CCSER2: variants seen among roughly 807,000 people sequenced by gnomAD.
The protein encoded by CCSER2 is serine-rich coiled-coil domain-containing protein 2.
A neutral mutation model predicts 92.3 loss-of-function variants in CCSER2; 46 were observed. The observed-to-expected ratio is 0.50, with a 90% CI of 0.39 to 0.64. The LOEUF is 0.64. CCSER2 is among the 30% of genes least tolerant of loss of function. The pLI, the probability that CCSER2 is intolerant of heterozygous loss-of-function variation, is 0.00. For synonymous variants in CCSER2, 433 were observed against 431.4 expected, an observed-to-expected ratio of 1.00 and a Z score of -0.04; for missense variants, 1,244 against 1,238.9, an observed-to-expected ratio of 1.00 and a Z score of -0.06.
At chr10:84,468,086 C>A (rs1846559038) in intron 7 of CCSER2, among the ~76,000 whole-genome samples, 2 of 152,150 alleles carry the variant, frequency 1.3e-5, no homozygotes, top group South Asian at 4.1e-4. Context: ...AGTTTACTAG[C>A]CAATTGCTTC....
At chr10:84,391,704 G>A (rs1313223106) in intron 3 of CCSER2, 15 of 1,514,060 alleles carry the variant, frequency 9.9e-6, no homozygotes, top group South Asian at 6.7e-5. Flanking sequence ...ACGATTGGTC[G>A]TCTTGGTTAC....
intron 8 of CCSER2, among the ~76,000 whole-genome samples, chr10:84,472,696 A>G (rs542487588): frequency 6.6e-6 from 1 of 152,358 alleles, no homozygotes; most frequent in African/African-American, 2.4e-5. Context: ...GTCACTTTAT[A>G]TGGACATATG....
intron 3 of CCSER2, among the ~76,000 whole-genome samples, chr10:84,385,871 A>G (rs1373672870): frequency 1.3e-5 from 2 of 152,158 alleles, no homozygotes; most frequent in Non-Finnish European, 2.9e-5. Context: ...AGAATTTACA[A>G]GGAACTCAAC....
At position 84,513,536 on chromosome 10, in the gene CCSER2, C is replaced by T. The variant is rs374878521; in HGVS notation, c.2413C>T (p.Arg805Cys). 8.6e-5 allele frequency: 139 copies of T among 1,613,936 alleles called. No homozygotes were observed. The highest frequency in any genetic ancestry group is 3.1e-4 in the African/African-American group (23 of 74,864). Residue 805 changes from arginine to cysteine, a missense_variant, in exon 10 of 10, where the codon CGC (arginine) becomes TGC (cysteine). Coordinates refer to ENST00000372088, the MANE Select transcript of CCSER2 (RefSeq NM_001284240.2). ...KLIKPQRIEA[R>C]SECSIQDMHQ... ...AATAAAGCCACAACGTATCGAGGCC[C>T]GCAGTGAATGCTCAATCCAAGACAT... is the stretch of plus-strand genomic sequence containing the variant.
chr10:84,387,082 CAAAA>C (rs562126348), intron 3 of CCSER2, among the ~76,000 whole-genome samples: 2 of 151,128 alleles, frequency 1.3e-5, no homozygotes, highest in African/African-American at 4.9e-5. Context: ...AATCTAAAAT[CAAAA>C]AAAAATCTGT....
At chr10:84,508,247 T>C (rs951876017) in intron 9 of CCSER2, among the ~76,000 whole-genome samples, 3 of 152,172 alleles carry the variant, frequency 2.0e-5, no homozygotes, top group African/African-American at 7.2e-5. Context: ...TAACTAGAGA[T>C]CATGCATGCA....
chr10:84,437,190 GAGAC>G (rs1231427808), intron 5 of CCSER2, among the ~76,000 whole-genome samples: 19 of 151,800 alleles, frequency 1.3e-4, no homozygotes, highest in Non-Finnish European at 1.9e-4. Flanking sequence ...GAGACAGAGA[GAGAC>G]AGACAGACAG....
chr10:84,474,403 A>G (rs1465266701), intron 8 of CCSER2, among the ~76,000 whole-genome samples: 2 of 152,020 alleles, frequency 1.3e-5, no homozygotes, highest in Non-Finnish European at 2.9e-5. Flanking sequence ...GCTCATACCT[A>G]TAATCCCAGC....
intron 1 of CCSER2, among the ~76,000 whole-genome samples, chr10:84,360,456 ATTTT>A (rs1564596945): frequency 6.6e-6 from 1 of 152,190 alleles, no homozygotes; most frequent in African/African-American, 2.4e-5. Context: ...AGTAAGGCTT[ATTTT>A]TACTATTTAT....
chr10:84,364,285 G>A (rs1308809962), intron 1 of CCSER2, among the ~76,000 whole-genome samples: 1 of 152,184 alleles, frequency 6.6e-6, no homozygotes, highest in Admixed American at 6.5e-5. Flanking sequence ...ATGTTACAAT[G>A]GCTAGCATGT....
At position 84,518,346 on chromosome 10, in the gene CCSER2, CAA is replaced by C. The variant is rs1434099770; in HGVS notation, c.*4081_*4082del. On this transcript the variant is annotated 3_prime_UTR_variant, in exon 10 of 10. Transcript: ENST00000372088. ...TGTAAGGTCTCTAAGTCATTACTAACAAAGAGCAAAAATAATATCTGCAGTAT... is the reference window on the plus strand; with the variant it reads ...TGTAAGGTCTCTAAGTCATTACTAACAGAGCAAAAATAATATCTGCAGTAT... 6.6e-6 allele frequency: 1 copy of C among 152,594 alleles called. No individual in the cohort carries two copies. Among genetic ancestry groups the C allele is most frequent in the East Asian group, 1.9e-4 (1 of 5,176 alleles). 9.5% of individuals were successfully genotyped at this position (152,594 alleles called of 1,614,324 possible).
intron 1 of CCSER2, 78 bp from the exon 2 acceptor site, chr10:84,370,936 A>G (rs1846028240): frequency 7.8e-6 from 5 of 639,780 alleles, no homozygotes; most frequent in Non-Finnish European, 1.2e-5. Flanking sequence ...ATAAAAGTGT[A>G]AGTATCATAT....
chr10:84,343,204 T>C (rs747335161), intron 1 of CCSER2, among the ~76,000 whole-genome samples: 5 of 152,208 alleles, frequency 3.3e-5, no homozygotes, highest in Admixed American at 3.3e-4. Flanking sequence ...TCCAGCTGTC[T>C]TTACTGTCTC....
At chr10:84,462,363 A>T (rs1366620916) in intron 6 of CCSER2, among the ~76,000 whole-genome samples, 2 of 152,154 alleles carry the variant, frequency 1.3e-5, no homozygotes, top group Non-Finnish European at 2.9e-5. Flanking sequence ...GTGTTGTCTC[A>T]TATTCCTTGG....
intron 1 of CCSER2, among the ~76,000 whole-genome samples, chr10:84,365,230 T>G (rs1845719087): frequency 6.6e-6 from 1 of 152,214 alleles, no homozygotes; most frequent in African/African-American, 2.4e-5. Flanking sequence ...TTAGATGATG[T>G]AGGCAACATA....
chr10:84,480,043 A>G (rs759910164), intron 9 of CCSER2, among the ~76,000 whole-genome samples: 1 of 152,092 alleles, frequency 6.6e-6, no homozygotes, highest in Non-Finnish European at 1.5e-5. Flanking sequence ...TTGTATTTTA[A>G]AAGTTATTTA....
At chr10:84,391,336 A>G (rs530943003) in intron 3 of CCSER2, 2 of 1,422,616 alleles carry the variant, frequency 1.4e-6, no homozygotes, top group Admixed American at 1.7e-5. Flanking sequence ...TGGCTGAAGG[A>G]CTTGGAGGCA....
At chr10:84,369,980 TCTCTACTCTGTTC>T (rs1845978785) in intron 1 of CCSER2, among the ~76,000 whole-genome samples, 1 of 152,140 alleles carries the variant, frequency 6.6e-6, no homozygotes. Flanking sequence ...ATTTCTGGGT[TCTCTACTCTGTTC>T]CTTTGCTCTA....
chr10:84,513,523 A>G lies in CCSER2; in HGVS notation c.2400A>G (p.Gln800=), dbSNP rs199582393. The G allele has an allele frequency of 6.3e-5, 102 of 1,614,086 alleles. No individual in the cohort carries two copies. In the East Asian group the frequency reaches 8.9e-4, roughly 14 times the overall value. ...CCCAGGGAAAACTAATAAAGCCACAACGTATCGAGGCCCGCAGTGAATGCT... is the reference window on the plus strand; with the variant it reads ...CCCAGGGAAAACTAATAAAGCCACAGCGTATCGAGGCCCGCAGTGAATGCT... ...DHTQGKLIKP[Q]RIEARSECSI... Residue 800 remains glutamine (Q), a synonymous_variant, in exon 10 of 10, where the codon CAA becomes CAG. Coordinates refer to ENST00000372088, the MANE Select transcript of CCSER2 (RefSeq NM_001284240.2).
Sources: allele counts gnomAD v4.1 joint callset (sites outside exome capture counted in the v4.1 genomes callset), GRCh38; gene constraint gnomAD v4.1.1; transcripts MANE v1.5; gene names NCBI Gene and HGNC (gene_info 2026-07-23, HGNC 2026-07-21).